The following XIRP2 variants were observed in gnomAD, a reference collection of about 807,000 sequenced individuals.
XIRP2 encodes xin actin-binding repeat-containing protein 2.
In XIRP2, 236 loss-of-function variants were observed where a neutral mutation model predicts 277.0. The observed-to-expected ratio is 0.85, with a 90% CI of 0.77 to 0.95. The LOEUF (loss-of-function observed/expected upper bound fraction) is 0.95. XIRP2 is among the 40% of genes least tolerant of loss of function. The pLI is 0.00. For synonymous variants in XIRP2, 1,490 were observed against 1,416.5 expected (o/e 1.05, Z -1.17); for missense variants, 4,640 against 4,157.5 (o/e 1.12, Z -3.19).
chr2:167,223,468 C>T (rs889498094), intron 5 of XIRP2, among the ~76,000 whole-genome samples: 3 of 152,150 alleles, frequency 2.0e-5, no homozygotes, highest in African/African-American at 4.8e-5. Context: ...TAAGATTATG[C>T]AGATTTGGAA....
At chr2:167,207,455 T>G (rs1227798766) in intron 3 of XIRP2, among the ~76,000 whole-genome samples, 1 of 152,210 alleles carries the variant, frequency 6.6e-6, no homozygotes, top group Non-Finnish European at 1.5e-5. Flanking sequence ...CAATCCTTTC[T>G]GTTACGGAAT....
In XIRP2 at chr2:167,154,421, C is replaced by G. The variant is rs1294611720; in HGVS notation, c.562+18359C>G. 4.6e-5 allele frequency among the ~76,000 whole-genome samples: 7 copies of G among 150,940 alleles called. No homozygotes were observed. In the South Asian group the frequency reaches 1.3e-3, roughly 28 times the overall value. On this transcript the variant is annotated intron_variant, in intron 3 of 10. Transcript: ENST00000409195. The stretch of plus-strand genomic sequence containing the variant: ...GAAGCTCTTTAGTTTAATTAGATCC[C>G]ATTTGTCAATTTTGTCTTTTGTTGC...
chr2:167,021,700 C>T (rs948024314), intron 2 of XIRP2, among the ~76,000 whole-genome samples: 1 of 151,956 alleles, frequency 6.6e-6, no homozygotes, highest in African/African-American at 2.4e-5. Flanking sequence ...CGGGGCACAC[C>T]TGTAGTCCCA....
chr2:167,000,513 G>GTTT (rs201441526), intron 2 of XIRP2, among the ~76,000 whole-genome samples: 1 of 139,378 alleles, frequency 7.2e-6, no homozygotes, highest in African/African-American at 2.6e-5. Context: ...GGGTTTTTTT[G>GTTT]TTTTTTTTTT....
chr2:166,912,987 G>T (rs922220295), intron 2 of XIRP2, among the ~76,000 whole-genome samples: 1 of 152,148 alleles, frequency 6.6e-6, no homozygotes, highest in African/African-American at 2.4e-5. Flanking sequence ...AGGGTTACTC[G>T]GCCGTGTGAG....
intron 2 of XIRP2, among the ~76,000 whole-genome samples, chr2:167,046,101 A>G (rs1209907458): frequency 6.6e-6 from 1 of 151,916 alleles, no homozygotes; most frequent in Admixed American, 6.6e-5. Context: ...ATTCCTAGGT[A>G]TTTTATTCTT....
At chr2:166,911,082 A>G (rs1684686873) in intron 2 of XIRP2, among the ~76,000 whole-genome samples, 1 of 152,284 alleles carries the variant, frequency 6.6e-6, no homozygotes, top group African/African-American at 2.4e-5. Flanking sequence ...AGAAAAATGT[A>G]TATTCTGTTG....
At chr2:167,203,018 C>A (rs1452062093) in intron 3 of XIRP2, among the ~76,000 whole-genome samples, 1 of 152,106 alleles carries the variant, frequency 6.6e-6, no homozygotes. Context: ...TTGCATCTCC[C>A]GTCTCAATGC....
chr2:167,020,206 A>T lies in XIRP2; in HGVS notation c.409-115703A>T, dbSNP rs1299262049. ...AAGAACATGTAAGTGATCCTAAAAA[A>T]TAATACTAAAATCTTCACTTTTATC... On this transcript the variant is annotated intron_variant, in intron 2 of 10. Coordinates refer to ENST00000409195, the MANE Select transcript of XIRP2 (RefSeq NM_152381.6). 2.0e-5 allele frequency among the ~76,000 whole-genome samples: 3 copies of T among 152,164 alleles called. No individual in the cohort carries two copies. The East Asian group carries it at 5.8e-4, about 29-fold the overall frequency.
intron 2 of XIRP2, among the ~76,000 whole-genome samples, chr2:167,089,672 A>G (rs1305702916): frequency 6.6e-6 from 1 of 152,070 alleles, no homozygotes; most frequent in African/African-American, 2.4e-5. Context: ...TTAAGTAAAC[A>G]TATGTGTGCG....
At chr2:166,994,833 C>A (rs1687169553) in intron 2 of XIRP2, among the ~76,000 whole-genome samples, 1 of 151,856 alleles carries the variant, frequency 6.6e-6, no homozygotes. Context: ...TAAGGGTTTA[C>A]AGGAATTGTG....
chr2:167,204,569 A>G (rs2105382072), intron 3 of XIRP2, among the ~76,000 whole-genome samples: 1 of 152,338 alleles, frequency 6.6e-6, no homozygotes, highest in South Asian at 2.1e-4. Context: ...ATAGAGATAA[A>G]AAATAAAATA....
intron 3 of XIRP2, among the ~76,000 whole-genome samples, chr2:167,173,492 T>C (rs1417400739): frequency 1.3e-5 from 2 of 152,226 alleles, no homozygotes; most frequent in East Asian, 3.8e-4. Flanking sequence ...TACTACTCCA[T>C]TGTGTATAAG....
intron 2 of XIRP2, among the ~76,000 whole-genome samples, chr2:166,986,221 A>G (rs1687000789): frequency 6.6e-6 from 1 of 152,190 alleles, no homozygotes; most frequent in Admixed American, 6.5e-5. Context: ...ATAGCAGAGT[A>G]GTGGAACATT....
At chr2:166,926,910 A>G (rs1190324670) in intron 2 of XIRP2, among the ~76,000 whole-genome samples, 1 of 152,034 alleles carries the variant, frequency 6.6e-6, no homozygotes, top group Non-Finnish European at 1.5e-5. Flanking sequence ...GCAATAGCTC[A>G]AGACCCTGAG....
chr2:167,015,293 A>T (rs1687789871), intron 2 of XIRP2, among the ~76,000 whole-genome samples: 1 of 151,920 alleles, frequency 6.6e-6, no homozygotes, highest in Non-Finnish European at 1.5e-5. Flanking sequence ...ACCAGTAAAA[A>T]ATGTCATCTT....
intron 3 of XIRP2, among the ~76,000 whole-genome samples, chr2:167,183,978 A>G (rs1693088977): frequency 6.6e-6 from 1 of 152,124 alleles, no homozygotes; most frequent in Non-Finnish European, 1.5e-5. Flanking sequence ...TCTCCTCAAC[A>G]TGGAGTCTGC....
chr2:167,239,647 AG>A (rs138828388), intron 5 of XIRP2, among the ~76,000 whole-genome samples: 73 of 152,324 alleles, frequency 4.8e-4, no homozygotes, highest in African/African-American at 1.6e-3. Flanking sequence ...AGACTCATTC[AG>A]GGCTTCTGAC....
chr2:166,902,254 G>C (rs1684404389), intron 1 of XIRP2, among the ~76,000 whole-genome samples: 1 of 151,988 alleles, frequency 6.6e-6, no homozygotes, highest in South Asian at 2.1e-4. Flanking sequence ...AATATCACCA[G>C]GCAGTTCACA....
Sources: allele counts gnomAD v4.1 joint callset (sites outside exome capture counted in the v4.1 genomes callset), GRCh38; gene constraint gnomAD v4.1.1; transcripts MANE v1.5; gene names NCBI Gene and HGNC (gene_info 2026-07-23, HGNC 2026-07-21).